GAGE10: variants seen among roughly 807,000 people sequenced by gnomAD.
The protein encoded by GAGE10 is G antigen 10.
Under a neutral mutation model 11.5 loss-of-function variants are expected in GAGE10, and 9 were observed. The ratio of observed to expected loss-of-function variants is 0.78; its 90% confidence interval spans 0.47 to 1.37. The LOEUF (loss-of-function observed/expected upper bound fraction) is 1.37, where lower values mean the gene tolerates loss of function less well. GAGE10 is among the 40% of genes most tolerant of loss of function. The pLI is 0.00. For missense variants in GAGE10, 83 were observed against 92.9 expected, an observed-to-expected ratio of 0.89 and a Z score of 0.44; for synonymous variants, 23 against 29.7, an observed-to-expected ratio of 0.77 and a Z score of 0.73.
intron 3 of GAGE10, among the ~76,000 whole-genome samples, chrX:49,311,854 A>G (rs1355412083): frequency 4.5e-5 from 5 of 112,208 alleles, no homozygotes; most frequent in East Asian, 2.8e-4. Context: ...AGCTATGGCA[A>G]TCCTTATAGA....
At chrX:49,307,202 T>C (rs1433960519) in intron 3 of GAGE10, among the ~76,000 whole-genome samples, 1 of 111,732 alleles carries the variant, frequency 8.9e-6, no homozygotes, top group Non-Finnish European at 1.9e-5. Context: ...CACTTCCCTC[T>C]CTTACCCTGC....
chrX:49,307,711 G>A (rs1557124320), intron 3 of GAGE10, among the ~76,000 whole-genome samples: 1 of 112,053 alleles, frequency 8.9e-6, no homozygotes, highest in Non-Finnish European at 1.9e-5. Flanking sequence ...GTCCAGGCTG[G>A]TCTTGAACTT....
rs782600661 is a variant in GAGE10 at position 49,314,425 on chromosome X, A to G, written c.203-2738A>G. ...CAGTGGTCTACACTAACACAGCTCTAACACTTATATTCAGGAAGGACTGCT... is the reference window on the plus strand; with the variant it reads ...CAGTGGTCTACACTAACACAGCTCTGACACTTATATTCAGGAAGGACTGCT... On this transcript the variant is annotated intron_variant, in intron 3 of 4. Transcript: ENST00000407599. Among the ~76,000 whole-genome samples, 6 of 112,644 alleles carry G rather than the reference A, an allele frequency of 5.3e-5. No homozygotes were observed. In the South Asian group the frequency reaches 2.2e-3, roughly 41 times the overall value.
chrX:49,316,544 C>A (rs782350382), intron 3 of GAGE10, among the ~76,000 whole-genome samples: 2 of 111,513 alleles, frequency 1.8e-5, no homozygotes, highest in South Asian at 3.8e-4. Flanking sequence ...AGAAGTGAGA[C>A]CCCACGCCCA....
chrX:49,304,033 A>G (rs2066346539), intron 1 of GAGE10, among the ~76,000 whole-genome samples: 1 of 112,119 alleles, frequency 8.9e-6, no homozygotes, highest in Non-Finnish European at 1.9e-5. Flanking sequence ...GGAGGCGGTC[A>G]GGGGCTCAGG....
At chrX:49,319,536 T>C (rs2066408258) in intron 4 of GAGE10, among the ~76,000 whole-genome samples, 192 bp from the exon 5 acceptor site, 1 of 114,904 alleles carries the variant, frequency 8.7e-6, no homozygotes, top group Non-Finnish European at 1.9e-5. Context: ...GGAAATTCCT[T>C]TTAAATTCTG....
chrX:49,319,721 GT>G lies in GAGE10; in HGVS notation c.329-5del, dbSNP rs2066409434. ...TCATGTTCCCAATCGTTGTGTTTCT[GT>G]TACAGGTGAAAAGCAATCACAGTGT... On this transcript the variant is annotated splice_region_variant and splice_polypyrimidine_tract_variant and intron_variant, in intron 4 of 4. Transcript: ENST00000407599. 1 of 927,728 alleles carries G rather than the reference GT, an allele frequency of 1.1e-6. No individual in the cohort carries two copies. The highest frequency in any genetic ancestry group is 1.5e-6 in the Non-Finnish European group (1 of 669,480). 76.5% of individuals were successfully genotyped at this position (927,728 alleles called of 1,213,427 possible).
intron 3 of GAGE10, 95 bp from the exon 4 acceptor site, chrX:49,317,068 G>T (rs782758281): frequency 1.0e-6 from 1 of 988,879 alleles, no homozygotes; most frequent in Non-Finnish European, 1.4e-6. Flanking sequence ...ACTAGCTAAA[G>T]CTTTTATATA....
chrX:49,304,616 GA>G (rs1296191678), intron 1 of GAGE10, among the ~76,000 whole-genome samples: 3 of 112,047 alleles, frequency 2.7e-5, no homozygotes, highest in Non-Finnish European at 5.6e-5. Context: ...AAGAAATTTA[GA>G]AAAAAAATGT....
chrX:49,303,996 G>A (rs1432054372), intron 1 of GAGE10, among the ~76,000 whole-genome samples: 1 of 112,167 alleles, frequency 8.9e-6, no homozygotes, highest in Non-Finnish European at 1.9e-5. Context: ...AAGGGGCCAG[G>A]ACAAGGAGGA....
At chrX:49,317,486 T>G (rs2066398002) in intron 4 of GAGE10, among the ~76,000 whole-genome samples, 198 bp downstream of exon 4, 1 of 111,539 alleles carries the variant, frequency 9.0e-6, no homozygotes, top group East Asian at 2.8e-4. Flanking sequence ...GAGCTGGGCT[T>G]ATGGACATAC....
intron 3 of GAGE10, among the ~76,000 whole-genome samples, chrX:49,316,319 T>C (rs1164460158): frequency 1.8e-5 from 2 of 112,143 alleles, no homozygotes; most frequent in East Asian, 5.6e-4. Context: ...AATGATGTAA[T>C]GCATGTTTTA....
chrX:49,313,276 C>T (rs5952524), intron 3 of GAGE10, among the ~76,000 whole-genome samples: 46,872 of 110,857 alleles, frequency 0.42, 8,480 homozygotes, highest in Non-Finnish European at 0.57. Context: ...GAAGGTGGAA[C>T]GGATGAACCG....
At chrX:49,311,798 T>A (rs1278706749) in intron 3 of GAGE10, among the ~76,000 whole-genome samples, 1 of 112,137 alleles carries the variant, frequency 8.9e-6, no homozygotes, top group Non-Finnish European at 1.9e-5. Context: ...TCCAAGCGAC[T>A]GGACTTGGTG....
chrX:49,317,572 T>G (rs192851367), intron 4 of GAGE10, among the ~76,000 whole-genome samples: 114 of 111,632 alleles, frequency 1.0e-3, no homozygotes, highest in Admixed American at 2.3e-3. Flanking sequence ...GTTCCCGAAC[T>G]CCTGACCTCA....
Position 49,305,110 on chromosome X carries a change from T to C in GAGE10, c.81+170T>C, listed in dbSNP as rs187260671. ...TTCTGGAGAATTTTTTTTCCTCTAG[T>C]GTTCTTCAGCTTTTGCCCATGACTT... On this transcript the variant is annotated intron_variant, in intron 2 of 4. Transcript: ENST00000407599. 8.0e-5 allele frequency among the ~76,000 whole-genome samples: 9 copies of C among 112,460 alleles called. No individual in the cohort carries two copies. In the East Asian group the frequency reaches 2.5e-3, roughly 31 times the overall value.
At chrX:49,312,242 G>T (rs1298405038) in intron 3 of GAGE10, among the ~76,000 whole-genome samples, 3 of 112,405 alleles carry the variant, frequency 2.7e-5, no homozygotes, top group Non-Finnish European at 5.6e-5. Context: ...CCCAATACTC[G>T]GTGGTTGAGG....
At chrX:49,316,168 C>T (rs1387354586) in intron 3 of GAGE10, among the ~76,000 whole-genome samples, 1 of 112,007 alleles carries the variant, frequency 8.9e-6, no homozygotes, top group Non-Finnish European at 1.9e-5. Context: ...AATTAACTGC[C>T]TGTTTTTCCT....
chrX:49,319,314 A>G lies in GAGE10; in HGVS notation c.329-414A>G, dbSNP rs74460931. Among the ~76,000 whole-genome samples the G allele has an allele frequency of 9.7e-3, 960 of 99,270 alleles. 3 individuals carry two copies. The highest frequency in any genetic ancestry group is 0.032 in the African/African-American group (840 of 26,362). 86.2% of individuals were successfully genotyped at this position (99,270 alleles called of 115,157 possible). ...CTATTTCTAATAAGACGGTAGACAC[A>G]CATACGATATAATCATCTCTAATCA... is the stretch of plus-strand genomic sequence containing the variant. On this transcript the variant is annotated intron_variant, in intron 4 of 4. Coordinates refer to ENST00000407599, the MANE Select transcript of GAGE10 (RefSeq NM_001098413.4).
Sources: allele counts gnomAD v4.1 joint callset (sites outside exome capture counted in the v4.1 genomes callset), GRCh38; gene constraint gnomAD v4.1.1; transcripts MANE v1.5; gene names NCBI Gene and HGNC (gene_info 2026-07-23, HGNC 2026-07-21).